Variants in ICA1 observed in about 807,000 individuals in gnomAD.
ICA1 encodes islet cell autoantigen 1, also known as 69 kDa islet cell autoantigen.
A neutral mutation model predicts 71.0 loss-of-function variants in ICA1; 40 were observed. That is an observed-to-expected ratio of 0.56 (90% confidence interval 0.44 to 0.73). The LOEUF (loss-of-function observed/expected upper bound fraction) is 0.73. Among genes scored for constraint, ICA1 ranks in the 30% least tolerant of loss-of-function variants. ICA1 has a pLI of 0.00. For synonymous variants in ICA1, 207 were observed against 209.5 expected, an observed-to-expected ratio of 0.99 and a Z score of 0.10; for missense variants, 578 against 576.5, an observed-to-expected ratio of 1.00 and a Z score of -0.03.
Position 8,167,053 on chromosome 7 carries a change from A to T in ICA1, c.580-8401T>A, listed in dbSNP as rs553364390. Among the ~76,000 whole-genome samples, 3 of 152,348 alleles carry T rather than the reference A, an allele frequency of 2.0e-5. No individual in the cohort carries two copies. In the East Asian group the frequency reaches 5.8e-4, roughly 29 times the overall value. On this transcript the variant is annotated intron_variant, in intron 6 of 13. Coordinates refer to ENST00000402384, the MANE Select transcript of ICA1 (RefSeq NM_001136020.3). Reference sequence around the variant, plus strand: ...AATGTAAATTAGTCAGCCTTTGGGAACAGCAGTTTGGTGAGTTCTCAAAGA... The same window carrying T: ...AATGTAAATTAGTCAGCCTTTGGGATCAGCAGTTTGGTGAGTTCTCAAAGA...
chr7:8,207,717 C>T (rs3807822), intron 6 of ICA1, among the ~76,000 whole-genome samples: 7,745 of 152,282 alleles, frequency 0.051, 267 homozygotes, highest in East Asian at 0.13. Flanking sequence ...GGTAACATGC[C>T]AGCCTCCATT....
At chr7:8,224,520 A>C (rs990960118) in intron 4 of ICA1, among the ~76,000 whole-genome samples, 38 of 152,198 alleles carry the variant, frequency 2.5e-4, no homozygotes, top group African/African-American at 6.8e-4. Flanking sequence ...CAGTATATAG[A>C]GTTCCTGTAT....
intron 1 of ICA1, among the ~76,000 whole-genome samples, chr7:8,246,290 G>C (rs2128506079): frequency 6.6e-6 from 1 of 152,346 alleles, no homozygotes; most frequent in East Asian, 1.9e-4. Context: ...AGACAAAGCA[G>C]TTGCACCAAT....
intron 6 of ICA1, among the ~76,000 whole-genome samples, chr7:8,210,938 C>A (rs1793566802): frequency 1.9e-5 from 2 of 105,082 alleles, no homozygotes; most frequent in Admixed American, 2.1e-4. Context: ...ACAGGACAGG[C>A]AGCTAATCCT....
At chr7:8,124,333 A>T (rs1190264038) in intron 13 of ICA1, among the ~76,000 whole-genome samples, 1 of 151,158 alleles carries the variant, frequency 6.6e-6, no homozygotes, top group Non-Finnish European at 1.5e-5. Flanking sequence ...TTTGGCCATG[A>T]TGGTCTCGAC....
intron 8 of ICA1, among the ~76,000 whole-genome samples, chr7:8,149,326 T>C (rs1798055479): frequency 6.6e-6 from 1 of 152,246 alleles, no homozygotes; most frequent in African/African-American, 2.4e-5. Context: ...AGACTGAAAG[T>C]TTCTTTGTGG....
At chr7:8,152,443 T>G (rs1799141656) in intron 8 of ICA1, among the ~76,000 whole-genome samples, 1 of 151,842 alleles carries the variant, frequency 6.6e-6, no homozygotes. Context: ...CCGTGGCTGT[T>G]ATCCTCACCA....
intron 13 of ICA1, among the ~76,000 whole-genome samples, chr7:8,117,046 T>G (rs992436329): frequency 2.0e-5 from 3 of 152,200 alleles, no homozygotes; most frequent in African/African-American, 7.2e-5. Flanking sequence ...GCTGTTCTCC[T>G]GATAGTGAAT....
chr7:8,159,241 A>G (rs1005585193), intron 6 of ICA1, among the ~76,000 whole-genome samples: 1 of 152,232 alleles, frequency 6.6e-6, no homozygotes, highest in Non-Finnish European at 1.5e-5. Flanking sequence ...AACTATTCCC[A>G]TGGATGAAAC....
rs1023507919 is a variant in ICA1 at position 8,145,757 on chromosome 7, T to C, written c.805-1785A>G. Reference sequence around the variant, plus strand: ...TGATTGGAATCATTGTGTATATATATATATATATATGTATATAAAATATAT... The same window carrying C: ...TGATTGGAATCATTGTGTATATATACATATATATATGTATATAAAATATAT... On this transcript the variant is annotated intron_variant, in intron 8 of 13. Coordinates refer to ENST00000402384, the MANE Select transcript of ICA1 (RefSeq NM_001136020.3). Among the ~76,000 whole-genome samples the C allele has an allele frequency of 2.4e-4, 20 of 84,370 alleles. 2 individuals carry two copies. Among genetic ancestry groups the C allele is most frequent in the Admixed American group, 2.2e-3 (13 of 5,880 alleles). The allele number at this position is 84,370 out of a possible 152,430, so 55.3% of individuals were successfully genotyped here. A position where few individuals can be genotyped will look rare whatever the true frequency, so the allele number is the denominator to read the frequency against.
intron 11 of ICA1, 23 bp from the exon 12 acceptor site, chr7:8,138,904 C>G (rs1328822518): frequency 6.2e-7 from 1 of 1,603,632 alleles, no homozygotes; most frequent in Non-Finnish European, 8.5e-7. Context: ...GGAAAGAAAA[C>G]AAAATTATAA....
At chr7:8,202,944 C>T (rs1790240537) in intron 6 of ICA1, among the ~76,000 whole-genome samples, 1 of 152,152 alleles carries the variant, frequency 6.6e-6, no homozygotes, top group Non-Finnish European at 1.5e-5. Context: ...CATATCAGGA[C>T]AGGACAGTGT....
intron 8 of ICA1, among the ~76,000 whole-genome samples, chr7:8,151,739 G>C (rs1207161289): frequency 6.6e-6 from 1 of 152,206 alleles, no homozygotes; most frequent in South Asian, 2.1e-4. Context: ...GGTGGAAGAA[G>C]GCTGCGAGGC....
chr7:8,182,164 T>C (rs1453342767), intron 6 of ICA1, among the ~76,000 whole-genome samples: 1 of 152,092 alleles, frequency 6.6e-6, no homozygotes, highest in African/African-American at 2.4e-5. Flanking sequence ...AACTATACAC[T>C]CTTCAGGCTC....
At chr7:8,200,474 A>G (rs1247886729) in intron 6 of ICA1, among the ~76,000 whole-genome samples, 1 of 152,064 alleles carries the variant, frequency 6.6e-6, no homozygotes, top group African/African-American at 2.4e-5. Context: ...ATAAGTTGAC[A>G]TGGAGGAAAT....
At chr7:8,135,835 T>C (rs1793219903) in intron 12 of ICA1, among the ~76,000 whole-genome samples, 1 of 152,182 alleles carries the variant, frequency 6.6e-6, no homozygotes, top group Admixed American at 6.5e-5. Flanking sequence ...TAAGGCCAAC[T>C]TATGAGACTT....
chr7:8,245,912 A>T (rs1420616459), intron 1 of ICA1, among the ~76,000 whole-genome samples: 1 of 152,224 alleles, frequency 6.6e-6, no homozygotes, highest in Non-Finnish European at 1.5e-5. Flanking sequence ...CAAGGGACAT[A>T]TAACAATGTC....
Position 8,234,888 on chromosome 7 carries a change from G to A in ICA1, c.17+1022C>T, listed in dbSNP as rs557985433. Among the ~76,000 whole-genome samples the A allele has an allele frequency of 4.6e-5, 7 of 152,256 alleles. No individual in the cohort carries two copies. The South Asian group carries it at 6.2e-4, about 14-fold the overall frequency. Reference sequence around the variant, plus strand: ...GGCCATAGAATGGATTTCTTTGGCCGGGCGCGGTGGCTCATGCCTGTAATC... The same window carrying A: ...GGCCATAGAATGGATTTCTTTGGCCAGGCGCGGTGGCTCATGCCTGTAATC... On this transcript the variant is annotated intron_variant, in intron 2 of 13. Transcript: ENST00000402384. This position sits in a 1 kb window ranked among gnomAD's most constrained non-coding sequence, Gnocchi z 4.5.
chr7:8,134,656 A>G (rs927831295), intron 12 of ICA1, among the ~76,000 whole-genome samples: 2 of 152,178 alleles, frequency 1.3e-5, no homozygotes, highest in Non-Finnish European at 2.9e-5. Flanking sequence ...GAGTAGGGGG[A>G]AGATAGGGAG....
Sources: allele counts gnomAD v4.1 joint callset (sites outside exome capture counted in the v4.1 genomes callset), GRCh38; gene constraint gnomAD v4.1.1; non-coding constraint Gnocchi (gnomAD v3.1); transcripts MANE v1.5; gene names NCBI Gene and HGNC (gene_info 2026-07-23, HGNC 2026-07-21).